Variants in ZRANB3 observed in about 807,000 individuals in gnomAD.
The protein encoded by ZRANB3 is zinc finger RANBP2-type containing 3.
A neutral mutation model predicts 133.8 loss-of-function variants in ZRANB3; 125 were observed. That is an observed-to-expected ratio of 0.93 (90% confidence interval 0.81 to 1.08). The LOEUF (loss-of-function observed/expected upper bound fraction) is 1.08, where lower values mean the gene tolerates loss of function less well. ZRANB3 is among the 50% of genes least tolerant of loss of function. The probability of loss-of-function intolerance (pLI) is 0.00; values close to 1 mark genes in which losing one functional copy is unlikely to be tolerated. For synonymous variants in ZRANB3, 387 were observed against 432.7 expected (o/e 0.89, Z 1.31); for missense variants, 1,229 against 1,275.5 (o/e 0.96, Z 0.56).
intron 8 of ZRANB3, among the ~76,000 whole-genome samples, chr2:135,288,295 G>A (rs1282069108): frequency 1.3e-5 from 2 of 152,080 alleles, no homozygotes; most frequent in Admixed American, 1.3e-4. Context: ...ACTTGATCAT[G>A]GTGGATTATC....
chr2:135,491,268 T>C (rs1165955444), intron 2 of ZRANB3, among the ~76,000 whole-genome samples: 1 of 152,188 alleles, frequency 6.6e-6, no homozygotes, highest in Non-Finnish European at 1.5e-5. Flanking sequence ...ACACAGAAAT[T>C]ACATACCTAA....
intron 2 of ZRANB3, among the ~76,000 whole-genome samples, chr2:135,394,571 G>A (rs1263328266): frequency 1.3e-5 from 2 of 152,084 alleles, no homozygotes; most frequent in Admixed American, 1.3e-4. Flanking sequence ...AGAGACAAGG[G>A]AGGAGGAAAA....
intron 14 of ZRANB3, among the ~76,000 whole-genome samples, chr2:135,224,748 GAAAC>G (rs1437147949): frequency 3.9e-5 from 6 of 152,088 alleles, no homozygotes; most frequent in Non-Finnish European, 5.9e-5. Flanking sequence ...GATCTAACAA[GAAAC>G]AAACAGATTC....
chr2:135,250,030 T>G (rs1163057089), intron 12 of ZRANB3, among the ~76,000 whole-genome samples: 1 of 152,164 alleles, frequency 6.6e-6, no homozygotes, highest in Non-Finnish European at 1.5e-5. Context: ...AGTTTAGAAC[T>G]TCCTAGATAC....
At chr2:135,204,831 C>T (rs575031100) in intron 19 of ZRANB3, among the ~76,000 whole-genome samples, 6 of 148,886 alleles carry the variant, frequency 4.0e-5, no homozygotes, top group East Asian at 2.0e-4. Context: ...CTACCCAATT[C>T]GAGCCTATTG....
intron 8 of ZRANB3, among the ~76,000 whole-genome samples, chr2:135,305,836 A>G (rs1391810817): frequency 6.6e-6 from 1 of 152,046 alleles, no homozygotes; most frequent in African/African-American, 2.4e-5. Context: ...CTTTTGAAGG[A>G]TAGCTTTGTT....
At chr2:135,247,457 A>G (rs1442825209) in intron 12 of ZRANB3, among the ~76,000 whole-genome samples, 2 of 152,220 alleles carry the variant, frequency 1.3e-5, no homozygotes, top group Non-Finnish European at 1.5e-5. Flanking sequence ...TTCTCTGCAG[A>G]TAGAGAGAAA....
chr2:135,448,698 G>A (rs774010797), intron 2 of ZRANB3, among the ~76,000 whole-genome samples: 6 of 152,146 alleles, frequency 3.9e-5, no homozygotes, highest in Non-Finnish European at 7.4e-5. Flanking sequence ...AGGCTCAAAT[G>A]GAAGCCAGAA....
chr2:135,445,356 A>C (rs1351457758), intron 2 of ZRANB3, among the ~76,000 whole-genome samples: 2 of 152,026 alleles, frequency 1.3e-5, no homozygotes, highest in Non-Finnish European at 2.9e-5. Flanking sequence ...AGGCAGGAGA[A>C]TCGCTTGAAC....
intron 3 of ZRANB3, among the ~76,000 whole-genome samples, chr2:135,361,216 T>C (rs1685681561): frequency 6.6e-6 from 1 of 152,232 alleles, no homozygotes; most frequent in Non-Finnish European, 1.5e-5. Context: ...CTAACAACAA[T>C]AGAATTTGTT....
Position 135,481,091 on chromosome 2 carries a change from T to A in ZRANB3, c.161+23238A>T, listed in dbSNP as rs556647451. ...AATAAACATACGTGAGCATGTGTCT[T>A]TATAGCAGCATGATTTATAGTCCTT... On this transcript the variant is annotated intron_variant, in intron 2 of 20. Transcript: ENST00000264159. Among the ~76,000 whole-genome samples, 33 of 152,170 alleles carry A rather than the reference T, an allele frequency of 2.2e-4. No individual in the cohort carries two copies. The South Asian group carries it at 5.8e-3, about 27-fold the overall frequency.
chr2:135,235,476 C>T (rs1695243738), intron 12 of ZRANB3, among the ~76,000 whole-genome samples: 1 of 152,022 alleles, frequency 6.6e-6, no homozygotes, highest in African/African-American at 2.4e-5. Context: ...CTGGCAGAGA[C>T]ACAACAAAAA....
At chr2:135,340,909 T>C (rs1470425842) in intron 6 of ZRANB3, among the ~76,000 whole-genome samples, 2 of 150,124 alleles carry the variant, frequency 1.3e-5, no homozygotes, top group Non-Finnish European at 2.9e-5. Context: ...AACAGGAGTA[T>C]GTCTTTTTAT....
At chr2:135,235,265 T>A (rs535982273) in intron 12 of ZRANB3, among the ~76,000 whole-genome samples, 103 of 152,226 alleles carry the variant, frequency 6.8e-4, no homozygotes, top group African/African-American at 2.4e-3. Context: ...AATAGACCAA[T>A]AACAGGCTCT....
chr2:135,368,321 C>A (rs968627657), intron 3 of ZRANB3, among the ~76,000 whole-genome samples: 1 of 151,790 alleles, frequency 6.6e-6, no homozygotes, highest in African/African-American at 2.4e-5. Context: ...TTGCTATGTA[C>A]TAATAACTAC....
intron 19 of ZRANB3, among the ~76,000 whole-genome samples, chr2:135,203,982 G>A (rs1201202072): frequency 1.3e-5 from 2 of 152,224 alleles, no homozygotes; most frequent in Non-Finnish European, 2.9e-5. Context: ...CGGCAATGCA[G>A]TTGTCTAAAT....
chr2:135,404,812 A>G (rs1044690790), intron 2 of ZRANB3, among the ~76,000 whole-genome samples: 44 of 152,206 alleles, frequency 2.9e-4, no homozygotes, highest in Admixed American at 8.5e-4. Context: ...ATTCTTAAAG[A>G]AAAGAATTTT....
intron 2 of ZRANB3, among the ~76,000 whole-genome samples, chr2:135,484,303 G>A (rs1316184981): frequency 2.0e-5 from 3 of 152,096 alleles, no homozygotes; most frequent in Non-Finnish European, 4.4e-5. Flanking sequence ...AATGAAAAAG[G>A]TAAAAAAGAA....
chr2:135,421,738 T>A (rs2104969972), intron 2 of ZRANB3, among the ~76,000 whole-genome samples: 1 of 152,288 alleles, frequency 6.6e-6, no homozygotes, highest in Non-Finnish European at 1.5e-5. Context: ...AGTGACCTGA[T>A]CATTAGTTAG....
Sources: gnomAD v4.1 joint callset for allele counts (sites outside exome capture counted in the v4.1 genomes callset) on GRCh38, gnomAD v4.1.1 for gene constraint, MANE v1.5 for transcripts, NCBI Gene and HGNC (gene_info 2026-07-23, HGNC 2026-07-21) for gene names.